The following BBS9 variants were observed in gnomAD, a reference collection of about 807,000 sequenced individuals.
BBS9 encodes Bardet-Biedl syndrome 9.
BBS9 carries 89 observed loss-of-function variants against 117.7 expected under a neutral mutation model. The ratio of observed to expected loss-of-function variants is 0.76; its 90% CI spans 0.64 to 0.90. BBS9 has a LOEUF of 0.90. Among genes scored for constraint, BBS9 ranks in the 40% least tolerant of loss-of-function variants. BBS9 has a pLI of 0.00. For missense variants in BBS9, 982 were observed against 1,042.2 expected (o/e 0.94, Z 0.80); for synonymous variants, 379 against 370.9 (o/e 1.02, Z -0.25).
intron 19 of BBS9, among the ~76,000 whole-genome samples, chr7:33,458,482 T>A (rs1272655655): frequency 1.3e-5 from 2 of 152,164 alleles, no homozygotes; most frequent in Admixed American, 6.5e-5. Flanking sequence ...GTGTTTATAT[T>A]AACTATTCTG....
chr7:33,257,825 T>A (rs780949003), intron 6 of BBS9, among the ~76,000 whole-genome samples: 76 of 152,256 alleles, frequency 5.0e-4, no homozygotes, highest in Non-Finnish European at 9.1e-4. Flanking sequence ...AAAGCCAAAT[T>A]GAAGATTTAG....
intron 19 of BBS9, among the ~76,000 whole-genome samples, chr7:33,483,922 A>T (rs1842792204): frequency 6.6e-6 from 1 of 152,180 alleles, no homozygotes; most frequent in East Asian, 1.9e-4. Context: ...TACAGATGTG[A>T]GCCACTGCGC....
At chr7:33,394,610 A>G (rs1827638777) in intron 19 of BBS9, among the ~76,000 whole-genome samples, 1 of 152,218 alleles carries the variant, frequency 6.6e-6, no homozygotes, top group Non-Finnish European at 1.5e-5. Flanking sequence ...AAGAATTTTC[A>G]TCTTTACTTC....
At chr7:33,471,332 T>C (rs565274783) in intron 19 of BBS9, among the ~76,000 whole-genome samples, 6 of 152,354 alleles carry the variant, frequency 3.9e-5, no homozygotes, top group African/African-American at 1.4e-4. Flanking sequence ...AAATGAGATG[T>C]TGGAATTGAT....
At chr7:33,338,756 C>T (rs901484323) in intron 10 of BBS9, among the ~76,000 whole-genome samples, 2 of 152,160 alleles carry the variant, frequency 1.3e-5, no homozygotes, top group African/African-American at 2.4e-5. Flanking sequence ...TGAATCCTGC[C>T]TAGTATTTTT....
In BBS9 at chr7:33,352,849, T is replaced by C. The variant is rs746726515; in HGVS notation, c.1538-10T>C. On this transcript the variant is annotated splice_polypyrimidine_tract_variant and intron_variant, in intron 14 of 22. Coordinates refer to ENST00000242067, the MANE Select transcript of BBS9 (RefSeq NM_198428.3). ...CCCCTACCCATTTTTGCATTGCCTG[T>C]GATGGACAGATCGAAATCCTGATGG... 6.2e-7 allele frequency: 1 copy of C among 1,612,800 alleles called. No individual in the cohort carries two copies. Among genetic ancestry groups the C allele is most frequent in the Non-Finnish European group, 8.5e-7 (1 of 1,178,918 alleles).
intron 19 of BBS9, among the ~76,000 whole-genome samples, chr7:33,409,921 G>A (rs1830804289): frequency 1.3e-5 from 2 of 151,730 alleles, no homozygotes. Flanking sequence ...ATACCCTCTT[G>A]TCTTTCAAGC....
chr7:33,554,750 A>G (rs527633898), intron 21 of BBS9, among the ~76,000 whole-genome samples: 1 of 152,290 alleles, frequency 6.6e-6, no homozygotes, highest in East Asian at 1.9e-4. Flanking sequence ...ACAGCAGTCT[A>G]TATATGGTAT....
intron 18 of BBS9, among the ~76,000 whole-genome samples, chr7:33,387,334 T>C (rs568264154): frequency 9.8e-5 from 15 of 152,316 alleles, no homozygotes; most frequent in African/African-American, 3.6e-4. Flanking sequence ...GGATTGTTGC[T>C]GATTTCCTAC....
chr7:33,498,097 G>A (rs546218643), intron 19 of BBS9, among the ~76,000 whole-genome samples: 106 of 152,236 alleles, frequency 7.0e-4, no homozygotes, highest in African/African-American at 2.5e-3. Flanking sequence ...AGGGAGGTAA[G>A]GTAACTAGCC....
chr7:33,144,073 A>T (rs1263802557), intron 1 of BBS9, among the ~76,000 whole-genome samples: 1 of 151,920 alleles, frequency 6.6e-6, no homozygotes, highest in Non-Finnish European at 1.5e-5. Context: ...CACCACTCTT[A>T]CCTTTATTTT....
At chr7:33,135,122 G>A (rs569184866) in intron 1 of BBS9, among the ~76,000 whole-genome samples, 2 of 152,282 alleles carry the variant, frequency 1.3e-5, no homozygotes, top group East Asian at 3.9e-4. Flanking sequence ...CAGACTTCTG[G>A]CTCAAGCAGT....
At chr7:33,617,314 A>C (rs1865190348) in intron 21 of BBS9, among the ~76,000 whole-genome samples, 1 of 152,170 alleles carries the variant, frequency 6.6e-6, no homozygotes, top group African/African-American at 2.4e-5. Flanking sequence ...CACTAATCAA[A>C]AGAAAGCAGA....
At chr7:33,359,391 T>C (rs1820214182) in intron 16 of BBS9, among the ~76,000 whole-genome samples, 1 of 152,042 alleles carries the variant, frequency 6.6e-6, no homozygotes, top group African/African-American at 2.4e-5. Context: ...ACGAATTGTA[T>C]AGTGTGTACT....
chr7:33,509,293 A>G (rs1846577788), intron 20 of BBS9, among the ~76,000 whole-genome samples: 1 of 152,208 alleles, frequency 6.6e-6, no homozygotes, highest in South Asian at 2.1e-4. Context: ...CGCATGCAGT[A>G]TGTGGTTTTG....
At position 33,605,359 on chromosome 7, in the gene BBS9, T is replaced by C; in HGVS notation, c.*133T>C. The C allele has an allele frequency of 1.1e-6, 1 of 941,486 alleles. No individual in the cohort carries two copies. The highest frequency in any genetic ancestry group is 1.3e-5 in the South Asian group (1 of 75,664). 58.3% of individuals were successfully genotyped at this position (941,486 alleles called of 1,614,324 possible). A position where few individuals can be genotyped will look rare whatever the true frequency, so the allele number is the denominator to read the frequency against. On this transcript the variant is annotated 3_prime_UTR_variant, in exon 23 of 23. Coordinates refer to ENST00000242067, the MANE Select transcript of BBS9 (RefSeq NM_198428.3). ...CTCACCTTCCTGGAGATGACATGCA[T>C]AGAAAGAGGGGTTGGGACTTTTTAC...
At chr7:33,160,129 A>G (rs959183835) in intron 4 of BBS9, among the ~76,000 whole-genome samples, 3 of 152,216 alleles carry the variant, frequency 2.0e-5, no homozygotes, top group Admixed American at 1.3e-4. Flanking sequence ...AAGAGAATAC[A>G]AAGTCTGTTG....
At position 33,343,775 on chromosome 7, in the gene BBS9, A is replaced by G. The variant is rs879407522; in HGVS notation, c.1276-806A>G. On this transcript the variant is annotated intron_variant, in intron 11 of 22. Coordinates refer to ENST00000242067, the MANE Select transcript of BBS9 (RefSeq NM_198428.3). ...CGGCCTCCCAAAGTGCTAGGATTAC[A>G]GGCATGAGCCACCGCACATGGCCTA... 3.4e-4 allele frequency among the ~76,000 whole-genome samples: 52 copies of G among 152,148 alleles called. 1 individual carries two copies. The highest frequency in any genetic ancestry group is 1.2e-3 in the African/African-American group (49 of 41,442).
chr7:33,537,782 T>C (rs759164676), intron 21 of BBS9, among the ~76,000 whole-genome samples: 24 of 152,212 alleles, frequency 1.6e-4, no homozygotes, highest in African/African-American at 4.6e-4. Flanking sequence ...TAGGGCAATA[T>C]TTCAATAGCC....
Sources: allele counts gnomAD v4.1 joint callset (sites outside exome capture counted in the v4.1 genomes callset), GRCh38; gene constraint gnomAD v4.1.1; transcripts MANE v1.5; gene names NCBI Gene and HGNC (gene_info 2026-07-23, HGNC 2026-07-21).